Variants in ADAMTS2 observed in about 807,000 individuals in gnomAD.
The protein encoded by ADAMTS2 is A disintegrin and metalloproteinase with thrombospondin motifs 2.
ADAMTS2 carries 50 observed loss-of-function variants against 123.0 expected under a neutral mutation model. That is an observed-to-expected ratio of 0.41 (90% CI 0.32 to 0.51). ADAMTS2 has a LOEUF of 0.51. Ranked by LOEUF, ADAMTS2 falls within the 20% of genes least tolerant of loss-of-function variation. ADAMTS2 has a pLI of 0.35. For synonymous variants in ADAMTS2, 678 were observed against 695.4 expected, an observed-to-expected ratio of 0.98 and a Z score of 0.39; for missense variants, 1,494 against 1,705.2, an observed-to-expected ratio of 0.88 and a Z score of 2.18.
intron 4 of ADAMTS2, among the ~76,000 whole-genome samples, chr5:179,196,659 G>C (rs1298191802): frequency 1.3e-5 from 2 of 152,246 alleles, no homozygotes; most frequent in African/African-American, 4.8e-5. Flanking sequence ...CACGTGCACT[G>C]ATGTAGTGAA....
At chr5:179,171,612 C>T (rs1000873671) in intron 5 of ADAMTS2, among the ~76,000 whole-genome samples, 11 of 152,176 alleles carry the variant, frequency 7.2e-5, no homozygotes, top group Non-Finnish European at 1.6e-4. Flanking sequence ...CGGGATGGAG[C>T]GGACCCCATG....
intron 19 of ADAMTS2, among the ~76,000 whole-genome samples, chr5:179,124,391 C>G (rs1292184625): frequency 1.3e-5 from 2 of 152,122 alleles, no homozygotes; most frequent in African/African-American, 4.8e-5. Context: ...CAAGCCTAAG[C>G]ACGCCCTGCT....
chr5:179,131,196 C>T lies in ADAMTS2; in HGVS notation c.2290+1034G>A, dbSNP rs578155541. On this transcript the variant is annotated intron_variant, in intron 15 of 21. Transcript: ENST00000251582. ...GGCATGGTGGCACACGCCTGTAATC[C>T]CAGCTACTTGGGAGGCTGAGGCAGG... Among the ~76,000 whole-genome samples, 19 of 150,976 alleles carry T rather than the reference C, an allele frequency of 1.3e-4. 1 individual carries two copies. In the East Asian group the frequency reaches 3.7e-3, roughly 30 times the overall value.
At chr5:179,147,841 T>C (rs553058145) in intron 10 of ADAMTS2, among the ~76,000 whole-genome samples, 4 of 152,194 alleles carry the variant, frequency 2.6e-5, no homozygotes, top group East Asian at 1.9e-4. Flanking sequence ...GGGAGGAGAA[T>C]TGTATCAATG....
chr5:179,174,012 CAA>C lies in ADAMTS2; in HGVS notation c.975+7058_975+7059del, dbSNP rs371293189. 3.7e-3 allele frequency among the ~76,000 whole-genome samples: 237 copies of C among 64,886 alleles called. 1 individual carries two copies. The highest frequency in any genetic ancestry group is 0.011 in the African/African-American group (209 of 18,390). The allele number at this position is 64,886 out of a possible 152,430, so 42.6% of individuals were successfully genotyped here. On this transcript the variant is annotated intron_variant, in intron 5 of 21. Transcript: ENST00000251582. The stretch of plus-strand genomic sequence containing the variant: ...TGGGCAACAGAGCAAGACTCCATCT[CAA>C]AAAAAAAAAAAAAAAGAAAGAAAAA...
intron 2 of ADAMTS2, among the ~76,000 whole-genome samples, chr5:179,295,997 G>A (rs576433376): frequency 2.0e-5 from 3 of 152,330 alleles, no homozygotes; most frequent in African/African-American, 4.8e-5. Flanking sequence ...TCTGGCTGTG[G>A]TCCAGGAGAC....
intron 4 of ADAMTS2, among the ~76,000 whole-genome samples, chr5:179,195,657 T>A (rs1354431593): frequency 2.0e-5 from 3 of 152,246 alleles, no homozygotes; most frequent in Non-Finnish European, 4.4e-5. Flanking sequence ...TTCAGCCACC[T>A]GGGCCCCTCG....
rs1178073561 is a variant in ADAMTS2, at chr5:179,117,702, TA to T, written c.3179-3379del. On this transcript the variant is annotated intron_variant, in intron 21 of 21. Transcript: ENST00000251582. The surrounding 1 kb of genome is among the most constrained non-coding windows in gnomAD (Gnocchi z 4.2). ...ACAGGTGCGTGCCACCATGCCCGGC[TA>T]ATTTTTGTATTTTTAGTAGAGACGG... Among the ~76,000 whole-genome samples, 3 of 152,074 alleles carry T rather than the reference TA, an allele frequency of 2.0e-5. No homozygotes were observed. The East Asian group carries it at 5.8e-4, about 29-fold the overall frequency.
rs546938354 is a variant in ADAMTS2 at position 179,153,293 on chromosome 5, C to T, written c.1515+198G>A. 2.6e-5 allele frequency among the ~76,000 whole-genome samples: 4 copies of T among 152,246 alleles called. 1 individual carries two copies. Among genetic ancestry groups the T allele is most frequent in the South Asian group, 4.1e-4 (2 of 4,822 alleles). On this transcript the variant is annotated intron_variant, in intron 9 of 21. Transcript: ENST00000251582. ...CCCGTGTGCTTCCTGCCTAGGACCA[C>T]GTCTGGGCCTGCCAGGTGGGCTCAG...
In ADAMTS2 at chr5:179,170,897, T is replaced by C. The variant is rs1013532718; in HGVS notation, c.975+10175A>G. 9.9e-5 allele frequency among the ~76,000 whole-genome samples: 15 copies of C among 152,156 alleles called. No homozygotes were observed. Among genetic ancestry groups the C allele is most frequent in the Admixed American group, 3.3e-4 (5 of 15,290 alleles). ...GCACAAGGATACATCTCCTCCCACG[T>C]TCATCAGACACCTCAGAGACCTGAA... On this transcript the variant is annotated intron_variant, in intron 5 of 21. Coordinates refer to ENST00000251582, the MANE Select transcript of ADAMTS2 (RefSeq NM_014244.5). The surrounding 1 kb of genome is among the most constrained non-coding windows in gnomAD (Gnocchi z 4.3).
chr5:179,282,915 T>C (rs947456580), intron 2 of ADAMTS2, among the ~76,000 whole-genome samples: 1 of 152,074 alleles, frequency 6.6e-6, no homozygotes, highest in Non-Finnish European at 1.5e-5. Flanking sequence ...CATCTTGAGA[T>C]GGGAGCCCTA....
At chr5:179,196,031 C>G (rs930836737) in intron 4 of ADAMTS2, among the ~76,000 whole-genome samples, 2 of 152,206 alleles carry the variant, frequency 1.3e-5, no homozygotes, top group African/African-American at 4.8e-5. Flanking sequence ...GAGATTTCCA[C>G]CACGACCAGC....
At chr5:179,191,043 C>T (rs1028729179) in intron 4 of ADAMTS2, among the ~76,000 whole-genome samples, 16 of 152,384 alleles carry the variant, frequency 1.0e-4, no homozygotes, top group Non-Finnish European at 1.9e-4. Context: ...ACCCGCTGAC[C>T]GGATGCCTCA....
rs367775834 is a variant in ADAMTS2 at position 179,307,330 on chromosome 5, G to A, written c.535-34266C>T. 2.8e-4 allele frequency among the ~76,000 whole-genome samples: 43 copies of A among 152,172 alleles called. No homozygotes were observed. Among genetic ancestry groups the A allele is most frequent in the African/African-American group, 7.7e-4 (32 of 41,504 alleles). ...AGGTCCACCGGCCCTCTCAGGGCTC[G>A]AGCACCCGGCCAACCCTGGGTGGCC... On this transcript the variant is annotated intron_variant, in intron 2 of 21. Coordinates refer to ENST00000251582, the MANE Select transcript of ADAMTS2 (RefSeq NM_014244.5). The surrounding 1 kb of genome is among the most constrained non-coding windows in gnomAD (Gnocchi z 5.6).
Position 179,202,366 on chromosome 5 carries a change from C to T in ADAMTS2, c.891+5147G>A, listed in dbSNP as rs149253927. ...TTCCGTTGTCGTGAGCCTCTGCTCC[C>T]GTGATATCTCCAGTGCACCAGCCCC... On this transcript the variant is annotated intron_variant, in intron 4 of 21. Transcript: ENST00000251582. The surrounding 1 kb of genome is among the most constrained non-coding windows in gnomAD (Gnocchi z 4.0). Among the ~76,000 whole-genome samples the T allele has an allele frequency of 1.1e-3, 161 of 151,326 alleles. No individual in the cohort carries two copies. Among genetic ancestry groups the T allele is most frequent in the African/African-American group, 3.5e-3 (143 of 41,274 alleles).
chr5:179,219,398 G>A (rs190176041), intron 3 of ADAMTS2, among the ~76,000 whole-genome samples: 3 of 152,340 alleles, frequency 2.0e-5, no homozygotes, highest in East Asian at 1.9e-4. Context: ...CACAGACACA[G>A]CCAAATGTGC....
chr5:179,292,921 G>C (rs758289355), intron 2 of ADAMTS2, among the ~76,000 whole-genome samples: 6 of 152,172 alleles, frequency 3.9e-5, no homozygotes, highest in Non-Finnish European at 5.9e-5. Flanking sequence ...TAAGTGAGTT[G>C]AGGTCAGTTT....
chr5:179,329,130 A>C (rs577654337), intron 2 of ADAMTS2, among the ~76,000 whole-genome samples: 1 of 152,100 alleles, frequency 6.6e-6, no homozygotes, highest in Non-Finnish European at 1.5e-5. Context: ...GATGGAGACC[A>C]TCCTGGCTAA....
rs1763455830 is a variant in ADAMTS2 at position 179,155,682 on chromosome 5, A to T, written c.1133-763T>A. Reference sequence around the variant, plus strand: ...GATAATGAGACCTATTCACTTCCCCAGCTCCTGTCTCAGCAGAGGGAGGCG... The same window carrying T: ...GATAATGAGACCTATTCACTTCCCCTGCTCCTGTCTCAGCAGAGGGAGGCG... On this transcript the variant is annotated intron_variant, in intron 6 of 21. Coordinates refer to ENST00000251582, the MANE Select transcript of ADAMTS2 (RefSeq NM_014244.5). This position sits in a 1 kb window ranked among gnomAD's most constrained non-coding sequence, Gnocchi z 5.1. 6.6e-6 allele frequency among the ~76,000 whole-genome samples: 1 copy of T among 152,182 alleles called. No homozygotes were observed. The highest frequency in any genetic ancestry group is 2.4e-5 in the African/African-American group (1 of 41,446).
Sources: gnomAD v4.1 joint callset for allele counts (sites outside exome capture counted in the v4.1 genomes callset) on GRCh38, gnomAD v4.1.1 for gene constraint, Gnocchi (gnomAD v3.1) non-coding constraint, MANE v1.5 for transcripts, NCBI Gene and HGNC (gene_info 2026-07-23, HGNC 2026-07-21) for gene names.